The following ZFHX3 variants were observed in gnomAD, a reference collection of about 807,000 sequenced individuals.
ZFHX3 encodes the protein zinc finger homeobox protein 3.
ZFHX3 carries 42 observed loss-of-function variants against 279.1 expected under a neutral mutation model. The ratio of observed to expected loss-of-function variants is 0.15; its 90% CI spans 0.12 to 0.19. The LOEUF (loss-of-function observed/expected upper bound fraction) is 0.19, where lower values mean the gene tolerates loss of function less well. Among genes scored for constraint, ZFHX3 ranks in the 10% least tolerant of loss-of-function variants. The pLI is 1.00. For missense variants in ZFHX3, 4,981 were observed against 4,754.0 expected (o/e 1.05, Z -1.40); for synonymous variants, 2,293 against 1,957.8 (o/e 1.17, Z -4.52).
At chr16:73,016,165 C>T (rs1411117284) in intron 1 of ZFHX3, 1 of 152,258 alleles carries the variant, frequency 6.6e-6, no homozygotes, top group Middle Eastern at 3.2e-3. Flanking sequence ...CCACTTAACT[C>T]TCTAGGCCCA....
intron 8 of ZFHX3, chr16:73,092,702 G>T: frequency 3.1e-6 from 1 of 318,502 alleles, no homozygotes; most frequent in Non-Finnish European, 6.2e-6. Context: ...ACATGCTCTT[G>T]CTCTCTCGCG....
chr16:72,866,391 A>G (rs1372413040), intron 4 of ZFHX3, among the ~76,000 whole-genome samples: 1 of 152,232 alleles, frequency 6.6e-6, no homozygotes, highest in Non-Finnish European at 1.5e-5. Context: ...TTGAGGCTCA[A>G]GAAGGGTGCA....
rs770391018 is a variant in ZFHX3, at chr16:72,788,089, G to GGCTGCTGCTGCTGCACTTTTT, written c.10166_10186dup (p.Gln3389_Gln3395dup). 6 of 1,611,718 alleles carry GGCTGCTGCTGCTGCACTTTTT rather than the reference G, an allele frequency of 3.7e-6. No individual in the cohort carries two copies. The Admixed American group carries it at 5.0e-5, about 13-fold the overall frequency. ...GGGGACTGGGGTTTGGCTTGCTTTG[G>GGCTGCTGCTGCTGCACTTTTT]GCTGCTGCTGCTGCACTTTTTGCTG... On this transcript the variant is annotated inframe_insertion, in exon 10 of 10. Coordinates refer to ENST00000268489, the MANE Select transcript of ZFHX3 (RefSeq NM_006885.4).
chr16:73,111,581 TGAGG>T (rs1238881221), intron 7 of ZFHX3, among the ~76,000 whole-genome samples: 2 of 144,468 alleles, frequency 1.4e-5, no homozygotes, highest in African/African-American at 2.6e-5. Flanking sequence ...ATATTCTCTG[TGAGG>T]GAGGGAGGGA....
At chr16:73,342,226 G>A (rs1438685161) in intron 3 of ZFHX3, among the ~76,000 whole-genome samples, 4 of 152,134 alleles carry the variant, frequency 2.6e-5, no homozygotes, top group African/African-American at 7.2e-5. Flanking sequence ...AATGCAAATC[G>A]GTACAATAGT....
At chr16:72,822,556 T>G (rs541099793) in intron 5 of ZFHX3, among the ~76,000 whole-genome samples, 10 of 152,168 alleles carry the variant, frequency 6.6e-5, no homozygotes, top group Admixed American at 3.9e-4. Flanking sequence ...TAATCATGAT[T>G]ATAATAACAG....
At chr16:73,824,490 C>A (rs9935200) in intron 1 of ZFHX3, among the ~76,000 whole-genome samples, 1 of 117,310 alleles carries the variant, frequency 8.5e-6, no homozygotes, top group Non-Finnish European at 1.7e-5. Flanking sequence ...CATGCTGGTG[C>A]GCTGCACCCA....
intron 5 of ZFHX3, among the ~76,000 whole-genome samples, chr16:73,156,981 G>C (rs1382568818): frequency 6.6e-6 from 1 of 151,868 alleles, no homozygotes; most frequent in African/African-American, 2.4e-5. Context: ...CAAAGTGCTT[G>C]GATTGCAGGC....
intron 2 of ZFHX3, among the ~76,000 whole-genome samples, chr16:73,460,345 A>G (rs1379605555): frequency 1.3e-5 from 2 of 152,164 alleles, no homozygotes; most frequent in Non-Finnish European, 2.9e-5. Flanking sequence ...TAGATATTCT[A>G]CAGTTTGCTT....
intron 1 of ZFHX3, among the ~76,000 whole-genome samples, chr16:73,038,292 G>A (rs1597122348): frequency 6.6e-6 from 1 of 152,204 alleles, no homozygotes; most frequent in Non-Finnish European, 1.5e-5. Flanking sequence ...TGTGGAGGCT[G>A]GGGGAGCTTC....
chr16:73,534,074 T>C lies in ZFHX3; in HGVS notation c.-1546-77816A>G, dbSNP rs554951302. ...GGTCGTCAGATGGCTCCTCCTTTCATTCAAGGTAAAAGCCCATGTTCTTAC... is the reference window on the plus strand; with the variant it reads ...GGTCGTCAGATGGCTCCTCCTTTCACTCAAGGTAAAAGCCCATGTTCTTAC... On this transcript the variant is annotated intron_variant, in intron 2 of 17. Coordinates refer to the ZFHX3 transcript ENST00000641206. Among the ~76,000 whole-genome samples, 125 of 152,238 alleles carry C rather than the reference T, an allele frequency of 8.2e-4. 1 individual carries two copies. The highest frequency in any genetic ancestry group is 1.6e-3 in the Non-Finnish European group (112 of 68,010).
At chr16:73,773,686 C>A (rs184147424) in intron 1 of ZFHX3, among the ~76,000 whole-genome samples, 2 of 152,152 alleles carry the variant, frequency 1.3e-5, no homozygotes, top group African/African-American at 4.8e-5. Context: ...AAGTGAACCA[C>A]GTGACATTTC....
chr16:73,691,425 C>G (rs2053148587), intron 1 of ZFHX3, among the ~76,000 whole-genome samples: 1 of 152,202 alleles, frequency 6.6e-6, no homozygotes, highest in Non-Finnish European at 1.5e-5. Flanking sequence ...TTATCTCCAA[C>G]CTTGAAGGAA....
intron 1 of ZFHX3, among the ~76,000 whole-genome samples, chr16:73,745,738 T>C (rs1567396391): frequency 1.3e-5 from 2 of 152,204 alleles, no homozygotes; most frequent in South Asian, 4.1e-4. Context: ...TCTAAATTAT[T>C]GTCTTCCTGC....
intron 3 of ZFHX3, among the ~76,000 whole-genome samples, chr16:72,931,423 AC>A: frequency 7.0e-6 from 1 of 142,002 alleles, no homozygotes; most frequent in Non-Finnish European, 1.6e-5. Context: ...ACACACACAC[AC>A]ACACACACAC....
intron 1 of ZFHX3, among the ~76,000 whole-genome samples, chr16:73,719,090 T>C (rs2053447624): frequency 6.6e-6 from 1 of 152,176 alleles, no homozygotes; most frequent in African/African-American, 2.4e-5. Flanking sequence ...TGGATTCAAA[T>C]CTCCCTGTGT....
chr16:73,091,683 T>C (rs942017627), intron 8 of ZFHX3, among the ~76,000 whole-genome samples: 4 of 152,214 alleles, frequency 2.6e-5, no homozygotes, highest in African/African-American at 9.7e-5. Flanking sequence ...ACGATCTTCA[T>C]GGGATGAAAG....
chr16:73,162,028 T>C (rs773361613), intron 5 of ZFHX3, among the ~76,000 whole-genome samples: 26 of 152,202 alleles, frequency 1.7e-4, no homozygotes, highest in Non-Finnish European at 2.9e-4. Flanking sequence ...TGACCAAATC[T>C]CAGTTGGTGT....
intron 3 of ZFHX3, among the ~76,000 whole-genome samples, chr16:73,321,243 G>T (rs1275071328): frequency 1.3e-5 from 2 of 152,136 alleles, no homozygotes; most frequent in African/African-American, 4.8e-5. Context: ...TTCCTCAGGA[G>T]TCCATGTAAG....
Sources: allele counts gnomAD v4.1 joint callset (sites outside exome capture counted in the v4.1 genomes callset), GRCh38; gene constraint gnomAD v4.1.1; transcripts MANE v1.5; gene names NCBI Gene and HGNC (gene_info 2026-07-23, HGNC 2026-07-21).